The following TOB2 variants were observed in gnomAD, a reference collection of about 807,000 sequenced individuals.
TOB2 encodes the protein transducer of ERBB2, 2.
A neutral mutation model predicts 17.3 loss-of-function variants in TOB2; 3 were observed. The ratio of observed to expected loss-of-function variants is 0.17; its 90% confidence interval spans 0.08 to 0.45. The LOEUF (loss-of-function observed/expected upper bound fraction) is 0.45. Among genes scored for constraint, TOB2 ranks in the 20% least tolerant of loss-of-function variants. TOB2 has a pLI of 0.99. For missense variants in TOB2, 407 were observed against 445.7 expected (o/e 0.91, Z 0.78); for synonymous variants, 163 against 185.6 (o/e 0.88, Z 0.99).
At position 41,436,194 on chromosome 22, in the gene TOB2, G is replaced by A. The variant is rs2037544403; in HGVS notation, c.*117C>T. 3 of 1,336,744 alleles carry A rather than the reference G, an allele frequency of 2.2e-6. No homozygotes were observed. The highest frequency in any genetic ancestry group is 2.9e-5 in the Admixed American group (1 of 34,252). The allele number at this position is 1,336,744 out of a possible 1,614,324, so 82.8% of individuals were successfully genotyped here. A position where few individuals can be genotyped will look rare whatever the true frequency, so the allele number is the denominator to read the frequency against. ...CCTGGGCTGGATCTTTTTTCTAGAA[G>A]TAAGAGTGAGAAGATCGAAAATCTT... On this transcript the variant is annotated 3_prime_UTR_variant, in exon 2 of 2. Coordinates refer to ENST00000327492, the MANE Select transcript of TOB2 (RefSeq NM_016272.4). The surrounding 1 kb of genome is among the most constrained non-coding windows in gnomAD (Gnocchi z 4.8).
intron 1 of TOB2, among the ~76,000 whole-genome samples, chr22:41,438,344 T>C (rs1372099969): frequency 6.6e-6 from 1 of 151,830 alleles, no homozygotes; most frequent in Non-Finnish European, 1.5e-5. Flanking sequence ...ATTTAAGAAC[T>C]CCGGCCAGGT....
chr22:41,438,374 A>T (rs2037576702), intron 1 of TOB2, among the ~76,000 whole-genome samples: 1 of 152,036 alleles, frequency 6.6e-6, no homozygotes, highest in Non-Finnish European at 1.5e-5. Context: ...CATGCCTGTA[A>T]TCCCAGCACT....
chr22:41,440,808 C>T, intron 1 of TOB2, among the ~76,000 whole-genome samples: 1 of 152,024 alleles, frequency 6.6e-6, no homozygotes, highest in East Asian at 1.9e-4. Flanking sequence ...CTCAAGTGAT[C>T]CACCTGCTTC....
chr22:41,446,256 G>C (rs1045218994), intron 1 of TOB2, 123 bp downstream of exon 1: 3 of 153,084 alleles, frequency 2.0e-5, no homozygotes, highest in Non-Finnish European at 4.4e-5. Context: ...TGGCCAGGCG[G>C]GGAGGGAGCG....
Position 41,434,902 on chromosome 22 carries a change from C to A in TOB2, c.*1409G>T. On this transcript the variant is annotated 3_prime_UTR_variant, in exon 2 of 2. Coordinates refer to ENST00000327492, the MANE Select transcript of TOB2 (RefSeq NM_016272.4). ...ACACCACTCCTCGCAGCATCAAGGT[C>A]CAGTGGGGTTGGGTCAGGGCAGTGA... is the stretch of plus-strand genomic sequence containing the variant. 1 of 152,938 alleles carries A rather than the reference C, an allele frequency of 6.5e-6. No individual in the cohort carries two copies. The allele number at this position is 152,938 out of a possible 1,614,324, so 9.5% of individuals were successfully genotyped here.
rs2037541435 is a variant in TOB2, at chr22:41,436,024, T to C, written c.*287A>G. 3.4e-6 allele frequency: 1 copy of C among 296,472 alleles called. No homozygotes were observed. Among genetic ancestry groups the C allele is most frequent in the East Asian group, 5.9e-5 (1 of 17,064 alleles). The allele number at this position is 296,472 out of a possible 1,614,324, so 18.4% of individuals were successfully genotyped here. A position where few individuals can be genotyped will look rare whatever the true frequency, so the allele number is the denominator to read the frequency against. Reference sequence around the variant, plus strand: ...ACAGGAAGCCACTCATTAAAGATGTTATATAGAAAACTACATGTAAGAAAA... The same window carrying C: ...ACAGGAAGCCACTCATTAAAGATGTCATATAGAAAACTACATGTAAGAAAA... On this transcript the variant is annotated 3_prime_UTR_variant, in exon 2 of 2. Coordinates refer to ENST00000327492, the MANE Select transcript of TOB2 (RefSeq NM_016272.4). This position sits in a 1 kb window ranked among gnomAD's most constrained non-coding sequence, Gnocchi z 4.8.
chr22:41,440,570 GC>G (rs1463096723), intron 1 of TOB2, among the ~76,000 whole-genome samples: 9 of 143,816 alleles, frequency 6.3e-5, no homozygotes, highest in Non-Finnish European at 1.1e-4. Flanking sequence ...ACCACACCTG[GC>G]TTTTTTTTTT....
intron 1 of TOB2, among the ~76,000 whole-genome samples, chr22:41,439,756 T>C (rs1012462975): frequency 1.4e-4 from 22 of 152,124 alleles, no homozygotes; most frequent in African/African-American, 5.3e-4. Flanking sequence ...CCTAAAGTGT[T>C]CCGCCTGCCT....
rs369781449 is a variant in TOB2 at position 41,440,362 on chromosome 22, C to T, written c.-62-2955G>A. ...TCGAACTGCTGACTTCGTGATCCAC[C>T]CACCTCAGCCTCCCAAAGTGCTGGG... On this transcript the variant is annotated intron_variant, in intron 1 of 1. Coordinates refer to ENST00000327492, the MANE Select transcript of TOB2 (RefSeq NM_016272.4). Among the ~76,000 whole-genome samples the T allele has an allele frequency of 2.6e-5, 4 of 152,034 alleles. No individual in the cohort carries two copies. In the East Asian group the frequency reaches 5.8e-4, roughly 22 times the overall value.
At chr22:41,445,089 G>A (rs1438396605) in intron 1 of TOB2, among the ~76,000 whole-genome samples, 1 of 152,250 alleles carries the variant, frequency 6.6e-6, no homozygotes, top group Non-Finnish European at 1.5e-5. Flanking sequence ...AAGCTGTGGG[G>A]AGGCGCCAGG....
intron 1 of TOB2, among the ~76,000 whole-genome samples, chr22:41,444,618 G>C (rs533818438): frequency 1.3e-5 from 2 of 152,370 alleles, no homozygotes; most frequent in East Asian, 3.9e-4. Flanking sequence ...GGGTCGAAGA[G>C]CCCAGGAAAA....
intron 1 of TOB2, among the ~76,000 whole-genome samples, chr22:41,444,434 G>A (rs1203389217): frequency 6.6e-6 from 1 of 152,228 alleles, no homozygotes; most frequent in Admixed American, 6.5e-5. Context: ...AAACGTAGGC[G>A]GAGAGGCGGG....
chr22:41,433,626 T>A lies in TOB2; in HGVS notation c.*2685A>T, dbSNP rs1286888793. On this transcript the variant is annotated 3_prime_UTR_variant, in exon 2 of 2. Transcript: ENST00000327492. ...ACACCAATGTCCCATTCCAAAATAT[T>A]GCACAACATTCTGAATACAAAACCC... is the stretch of plus-strand genomic sequence containing the variant. 1.2e-5 allele frequency: 3 copies of A among 251,320 alleles called. No individual in the cohort carries two copies. The highest frequency in any genetic ancestry group is 6.7e-5 in the African/African-American group (3 of 44,866). 15.6% of individuals were successfully genotyped at this position (251,320 alleles called of 1,614,324 possible). A position where few individuals can be genotyped will look rare whatever the true frequency, so the allele number is the denominator to read the frequency against.
chr22:41,439,365 G>A (rs942034094), intron 1 of TOB2, among the ~76,000 whole-genome samples: 1 of 152,172 alleles, frequency 6.6e-6, no homozygotes, highest in African/African-American at 2.4e-5. Context: ...GTATCCAGGT[G>A]CTAATTTCAG....
chr22:41,436,225 A>T lies in TOB2; in HGVS notation c.*86T>A. 1 of 1,449,346 alleles carries T rather than the reference A, an allele frequency of 6.9e-7. No homozygotes were observed. The highest frequency in any genetic ancestry group is 1.5e-5 in the South Asian group (1 of 67,014). The allele number at this position is 1,449,346 out of a possible 1,614,324, so 89.8% of individuals were successfully genotyped here. A position where few individuals can be genotyped will look rare whatever the true frequency, so the allele number is the denominator to read the frequency against. ...GTGAGAAGATCGAAAATCTTTTTGTACATTTTTCTTTTCCTCTTTTTTTTG... is the reference window on the plus strand; with the variant it reads ...GTGAGAAGATCGAAAATCTTTTTGTTCATTTTTCTTTTCCTCTTTTTTTTG... On this transcript the variant is annotated 3_prime_UTR_variant, in exon 2 of 2. Transcript: ENST00000327492. The surrounding 1 kb of genome is among the most constrained non-coding windows in gnomAD (Gnocchi z 4.8).
At chr22:41,441,122 C>T (rs545411941) in intron 1 of TOB2, among the ~76,000 whole-genome samples, 141 of 151,798 alleles carry the variant, frequency 9.3e-4, no homozygotes, top group Non-Finnish European at 1.6e-3. Flanking sequence ...TTGAGACCAT[C>T]CTGGCTAACA....
chr22:41,436,366 A>G lies in TOB2; in HGVS notation c.980T>C (p.Leu327Pro). Residue 327 changes from leucine to proline, a missense_variant, in exon 2 of 2, where the codon CTG becomes CCG. Transcript: ENST00000327492. The surrounding 1 kb of genome is among the most constrained non-coding windows in gnomAD (Gnocchi z 4.8). ...CTGGCTGGGATACTGCATGGTGTTC[A>G]GGTTGTAGCTGAGGCCTTCCACAAA... The part of the protein sequence containing the change: ...TPFVEGLSYN[L>P]NTMQYPSQQF... 2 of 1,610,804 alleles carry G rather than the reference A, an allele frequency of 1.2e-6. No homozygotes were observed. The highest frequency in any genetic ancestry group is 1.1e-5 in the South Asian group (1 of 90,502).
At chr22:41,444,665 C>A (rs1026455902) in intron 1 of TOB2, among the ~76,000 whole-genome samples, 2 of 152,198 alleles carry the variant, frequency 1.3e-5, no homozygotes, top group Non-Finnish European at 2.9e-5. Context: ...CGGGTCGGCG[C>A]CCCCCTCCCA....
At position 41,446,798 on chromosome 22, in the gene TOB2, G is replaced by A; in HGVS notation, c.-482C>T. The A allele has an allele frequency of 6.5e-6, 1 of 152,744 alleles. No homozygotes were observed. Among genetic ancestry groups the A allele is most frequent in the Non-Finnish European group, 1.5e-5 (1 of 68,382 alleles). The allele number at this position is 152,744 out of a possible 1,614,324, so 9.5% of individuals were successfully genotyped here. ...ACCTTCCCGCGCCCCGGCCCGAAGT[G>A]AGCAAAGTCAATGAAAAGTTTCACC... On this transcript the variant is annotated 5_prime_UTR_variant, in exon 1 of 2. Transcript: ENST00000327492.
Sources: allele counts gnomAD v4.1 joint callset (sites outside exome capture counted in the v4.1 genomes callset), GRCh38; gene constraint gnomAD v4.1.1; non-coding constraint Gnocchi (gnomAD v3.1); transcripts MANE v1.5; gene names NCBI Gene and HGNC (gene_info 2026-07-23, HGNC 2026-07-21).